The following MYO9B variants were observed in gnomAD, a reference collection of about 807,000 sequenced individuals.
MYO9B encodes unconventional myosin-IXb.
In MYO9B, 71 loss-of-function variants were observed where a neutral mutation model predicts 229.5. The observed-to-expected ratio is 0.31, with a 90% CI of 0.26 to 0.38. The LOEUF is 0.38. Ranked by LOEUF, MYO9B falls within the 10% of genes least tolerant of loss-of-function variation. MYO9B has a pLI of 1.00. For missense variants in MYO9B, 2,255 were observed against 2,920.5 expected (o/e 0.77, Z 5.25); for synonymous variants, 1,185 against 1,235.8 (o/e 0.96, Z 0.86).
intron 18 of MYO9B, 82 bp downstream of exon 18, chr19:17,186,083 C>A: frequency 1.6e-6 from 2 of 1,260,938 alleles, no homozygotes; most frequent in Non-Finnish European, 2.3e-6. Context: ...CCAGCCCCAG[C>A]CTCCACGCAG....
At chr19:17,166,112 G>A (rs542994263) in intron 10 of MYO9B, among the ~76,000 whole-genome samples, 17 of 151,914 alleles carry the variant, frequency 1.1e-4, no homozygotes, top group Non-Finnish European at 1.9e-4. Flanking sequence ...GTGCAATCTC[G>A]GTTCACTGCA....
In MYO9B at chr19:17,192,664, G is replaced by C. The variant is rs1412012246; in HGVS notation, c.2812-82G>C. ...GCACACCAGCCTAGGTCTCACTCTG[G>C]AGTGGGCTATGCAGACCTCCCAGGC... is the stretch of plus-strand genomic sequence containing the variant. On this transcript the variant is annotated intron_variant, in intron 20 of 39. Transcript: ENST00000682292. 4 of 1,223,732 alleles carry C rather than the reference G, an allele frequency of 3.3e-6. No individual in the cohort carries two copies. In the African/African-American group the frequency reaches 6.1e-5, roughly 19 times the overall value. 75.8% of individuals were successfully genotyped at this position (1,223,732 alleles called of 1,614,324 possible).
intron 2 of MYO9B, among the ~76,000 whole-genome samples, chr19:17,124,521 C>T (rs1168857044): frequency 5.3e-5 from 8 of 152,050 alleles, no homozygotes; most frequent in East Asian, 3.9e-4. Context: ...CCTGTAATCC[C>T]AGCACTTTGG....
chr19:17,168,043 A>G lies in MYO9B; in HGVS notation c.1772A>G (p.Tyr591Cys). The stretch of plus-strand genomic sequence containing the variant: ...AGCAAGAAACCCACGGGCCTCTTCT[A>G]CCTGCTGGACGAGGAGAGCAAGTGA... The part of the protein sequence containing the change: ...LISKKPTGLF[Y>C]LLDEESNFPH... The change falls in exon 11 of 40, where the codon TAC becomes TGC. Residue 591 changes from tyrosine (Y) to cysteine (C), a missense_variant. Transcript: ENST00000682292. 6.2e-7 allele frequency: 1 copy of G among 1,612,760 alleles called. No homozygotes were observed. The highest frequency in any genetic ancestry group is 8.5e-7 in the Non-Finnish European group (1 of 1,179,490).
At chr19:17,152,815 GA>G (rs2072493645) in intron 4 of MYO9B, 109 bp downstream of exon 4, 8 of 899,810 alleles carry the variant, frequency 8.9e-6, no homozygotes, top group Non-Finnish European at 1.4e-5. Context: ...AATTCTGGGG[GA>G]GGCCGTGGAG....
intron 1 of MYO9B, among the ~76,000 whole-genome samples, chr19:17,098,674 A>G (rs761648711): frequency 6.6e-6 from 1 of 152,118 alleles, no homozygotes; most frequent in Non-Finnish European, 1.5e-5. Context: ...CATCCCTATA[A>G]TCTCAGCACT....
chr19:17,119,899 C>T (rs991276675), intron 2 of MYO9B, among the ~76,000 whole-genome samples: 9 of 152,284 alleles, frequency 5.9e-5, no homozygotes, highest in East Asian at 1.9e-4. Flanking sequence ...CCACCTGCCT[C>T]GGCCTCCCAA....
In MYO9B at chr19:17,101,707, C is replaced by G; in HGVS notation, c.-11C>G. On this transcript the variant is annotated 5_prime_UTR_variant, in exon 2 of 40. Transcript: ENST00000682292. The surrounding 1 kb of genome is among the most constrained non-coding windows in gnomAD (Gnocchi z 4.7). ...GCCTGGGAGGCATGCTGAAGCCAGG[C>G]GGCCGGCAGGATGAGTGTGAAAGAG... The G allele has an allele frequency of 6.4e-7, 1 of 1,551,854 alleles. No homozygotes were observed. The highest frequency in any genetic ancestry group is 8.7e-7 in the Non-Finnish European group (1 of 1,154,220).
chr19:17,096,854 C>T (rs965103142), intron 1 of MYO9B, among the ~76,000 whole-genome samples: 13 of 151,162 alleles, frequency 8.6e-5, no homozygotes, highest in African/African-American at 1.7e-4. Context: ...TACAGGCGCC[C>T]GCCACTGCGC....
intron 2 of MYO9B, among the ~76,000 whole-genome samples, chr19:17,105,296 A>T (rs1483227699): frequency 1.3e-5 from 2 of 149,120 alleles, no homozygotes; most frequent in Non-Finnish European, 3.0e-5. Flanking sequence ...AGCCTGGGCA[A>T]CATAACAAGA....
intron 2 of MYO9B, among the ~76,000 whole-genome samples, chr19:17,105,662 C>T (rs1293811363): frequency 6.6e-6 from 1 of 152,134 alleles, no homozygotes; most frequent in South Asian, 2.1e-4. Context: ...AGACCCCACC[C>T]TTTCTGGAGC....
intron 1 of MYO9B, among the ~76,000 whole-genome samples, chr19:17,083,862 G>T (rs2057557552): frequency 6.6e-6 from 1 of 151,860 alleles, no homozygotes; most frequent in Admixed American, 6.6e-5. Flanking sequence ...TGTTGGCCAG[G>T]CTGGTCTTGA....
At chr19:17,086,332 G>T (rs963458139) in intron 1 of MYO9B, among the ~76,000 whole-genome samples, 2 of 152,082 alleles carry the variant, frequency 1.3e-5, no homozygotes, top group Admixed American at 6.6e-5. Context: ...CCCATTCCCC[G>T]CCCTCGCCTG....
Position 17,172,089 on chromosome 19 carries a change from A to G in MYO9B, c.1794-247A>G, listed in dbSNP as rs2279009. 0.043 allele frequency among the ~76,000 whole-genome samples: 6,540 copies of G among 152,022 alleles called. 306 individuals are homozygous for G. Among genetic ancestry groups the G allele is most frequent in the African/African-American group, 0.11 (4,761 of 41,440 alleles). ...CGTGTTCAGCATGAGGCAGGCAGGC[A>G]CACCCAGATAGCAGCGTCCCAGCCC... On this transcript the variant is annotated intron_variant, in intron 11 of 39. Transcript: ENST00000682292. This position sits in a 1 kb window ranked among gnomAD's most constrained non-coding sequence, Gnocchi z 8.2.
At chr19:17,136,042 G>A (rs1425654744) in intron 2 of MYO9B, among the ~76,000 whole-genome samples, 1 of 147,618 alleles carries the variant, frequency 6.8e-6, no homozygotes, top group Non-Finnish European at 1.5e-5. Context: ...CTGAGGACAG[G>A]CATCCCTTTG....
intron 6 of MYO9B, among the ~76,000 whole-genome samples, chr19:17,156,224 G>A (rs541655517): frequency 2.9e-4 from 44 of 152,110 alleles, no homozygotes; most frequent in African/African-American, 1.0e-3. Context: ...GCTAGTCAGA[G>A]GGATCCGTAC....
chr19:17,185,092 T>C (rs1485587065), intron 17 of MYO9B, 105 bp downstream of exon 17: 1 of 1,538,016 alleles, frequency 6.5e-7, no homozygotes, highest in African/African-American at 1.4e-5. Context: ...AATACAAAAA[T>C]TGGCCGGGCG....
intron 10 of MYO9B, among the ~76,000 whole-genome samples, chr19:17,166,641 G>T (rs914877212): frequency 6.6e-6 from 1 of 151,704 alleles, no homozygotes; most frequent in African/African-American, 2.4e-5. Context: ...TTCCTGATCC[G>T]CTCACTCCTC....
rs560816932 is a variant in MYO9B at position 17,094,523 on chromosome 19, C to T, written c.-58-7137C>T. On this transcript the variant is annotated intron_variant, in intron 1 of 39. Coordinates refer to ENST00000682292, the MANE Select transcript of MYO9B (RefSeq NM_004145.4). ...TCCACATCCCCAAGCAGCCACCGAT[C>T]AGCTTTCTGTCTTCATAGGTCAATT... Among the ~76,000 whole-genome samples the T allele has an allele frequency of 3.3e-5, 5 of 152,302 alleles. No individual in the cohort carries two copies. In the South Asian group the frequency reaches 1.0e-3, roughly 32 times the overall value.
Sources: gnomAD v4.1 joint callset for allele counts (sites outside exome capture counted in the v4.1 genomes callset) on GRCh38, gnomAD v4.1.1 for gene constraint, Gnocchi (gnomAD v3.1) non-coding constraint, MANE v1.5 for transcripts, NCBI Gene and HGNC (gene_info 2026-07-23, HGNC 2026-07-21) for gene names.